The following C12orf42 variants were observed in gnomAD, a reference collection of about 807,000 sequenced individuals.
C12orf42 encodes the protein uncharacterized protein C12orf42.
A neutral mutation model predicts 21.6 loss-of-function variants in C12orf42; 25 were observed. That is an observed-to-expected ratio of 1.16 (90% CI 0.84 to 1.62). The LOEUF (loss-of-function observed/expected upper bound fraction) is 1.62, where lower values mean the gene tolerates loss of function less well. Ranked by LOEUF, C12orf42 falls within the 40% of genes most tolerant of loss-of-function variation. C12orf42 has a pLI of 0.00. For synonymous variants in C12orf42, 174 were observed against 175.0 expected (o/e 0.99, Z 0.05); for missense variants, 483 against 459.3 (o/e 1.05, Z -0.47).
intron 2 of C12orf42, among the ~76,000 whole-genome samples, chr12:103,465,349 C>T (rs909316093): frequency 6.6e-6 from 1 of 152,106 alleles, no homozygotes; most frequent in Non-Finnish European, 1.5e-5. Context: ...GTATTTTATT[C>T]TCTTTGTAGC....
chr12:103,386,708 T>G (rs2046638456), intron 3 of C12orf42, among the ~76,000 whole-genome samples: 3 of 152,198 alleles, frequency 2.0e-5, no homozygotes, highest in Admixed American at 2.0e-4. Flanking sequence ...AGACTGCAAT[T>G]GCACTCCCTT....
At chr12:103,446,746 A>G (rs1951600554) in intron 2 of C12orf42, among the ~76,000 whole-genome samples, 1 of 151,964 alleles carries the variant, frequency 6.6e-6, no homozygotes, top group Non-Finnish European at 1.5e-5. Flanking sequence ...TAAAGCAACA[A>G]CAGTTTAAAA....
At chr12:103,261,072 G>C (rs796945452) in intron 10 of C12orf42, among the ~76,000 whole-genome samples, 2 of 152,060 alleles carry the variant, frequency 1.3e-5, no homozygotes, top group African/African-American at 4.8e-5. Flanking sequence ...CATTTTATTA[G>C]TGTTATTTCA....
At chr12:103,111,006 TG>T in the C12orf42 span, among the ~76,000 whole-genome samples, 3 of 152,198 alleles carry the variant, frequency 2.0e-5, no homozygotes, top group South Asian at 2.1e-4. Context: ...AGGCAGTTCT[TG>T]GTTTTAATCA....
At chr12:103,212,001 A>G in the C12orf42 span, among the ~76,000 whole-genome samples, 153 of 152,306 alleles carry the variant, frequency 1.0e-3, no homozygotes, top group African/African-American at 3.3e-3. Flanking sequence ...ACAAAATTTT[A>G]TCTTAAGTTT....
At chr12:103,141,547 G>A in the C12orf42 span, among the ~76,000 whole-genome samples, 1 of 66,254 alleles carries the variant, frequency 1.5e-5, no homozygotes, top group African/African-American at 7.2e-5. Context: ...TTTTTTTTTT[G>A]AGACAGAGTT....
the C12orf42 span, among the ~76,000 whole-genome samples, chr12:103,207,073 T>C: frequency 4.6e-5 from 7 of 152,180 alleles, no homozygotes; most frequent in Non-Finnish European, 1.0e-4. Flanking sequence ...AAATGCGACA[T>C]GTGCCTCCTG....
the C12orf42 span, among the ~76,000 whole-genome samples, chr12:103,194,227 T>C: frequency 2.5e-4 from 38 of 151,540 alleles, no homozygotes; most frequent in African/African-American, 8.0e-4. Flanking sequence ...TACTCAACAG[T>C]GAAAATTGAA....
At chr12:103,069,721 G>A in the C12orf42 span, among the ~76,000 whole-genome samples, 1 of 152,102 alleles carries the variant, frequency 6.6e-6, no homozygotes, top group African/African-American at 2.4e-5. Context: ...CAACTAGCTA[G>A]GTCTCTTTCT....
At chr12:103,372,751 GCAC>G (rs1201616663) in intron 3 of C12orf42, among the ~76,000 whole-genome samples, 1 of 152,086 alleles carries the variant, frequency 6.6e-6, no homozygotes, top group Non-Finnish European at 1.5e-5. Flanking sequence ...GAAAACTGAG[GCAC>G]CAAAAAGCTA....
the C12orf42 span, among the ~76,000 whole-genome samples, chr12:103,209,283 C>T: frequency 6.6e-6 from 1 of 152,084 alleles, no homozygotes; most frequent in South Asian, 2.1e-4. Context: ...ACAAAGATTC[C>T]CTCAAATGTC....
chr12:103,320,997 A>G (rs1380835904), intron 4 of C12orf42, among the ~76,000 whole-genome samples: 1 of 152,212 alleles, frequency 6.6e-6, no homozygotes, highest in Admixed American at 6.5e-5. Context: ...TGAGTGTTCT[A>G]TAGTTGTTAC....
the C12orf42 span, among the ~76,000 whole-genome samples, chr12:103,221,538 C>A: frequency 1.4e-4 from 21 of 152,176 alleles, no homozygotes; most frequent in Non-Finnish European, 2.4e-4. Context: ...ACTTGCAAGA[C>A]CCTGAAAGAC....
the C12orf42 span, among the ~76,000 whole-genome samples, chr12:103,194,044 A>G: frequency 6.6e-6 from 1 of 152,180 alleles, no homozygotes; most frequent in Non-Finnish European, 1.5e-5. Flanking sequence ...TCAGTATGAT[A>G]GTCCACATTA....
intron 10 of C12orf42, among the ~76,000 whole-genome samples, chr12:103,248,606 A>G (rs2034128689): frequency 6.6e-6 from 1 of 152,054 alleles, no homozygotes; most frequent in African/African-American, 2.4e-5. Flanking sequence ...GCATAGAGAC[A>G]TGACAGATTG....
intron 2 of C12orf42, chr12:103,477,987 C>T (rs2888732): frequency 0.02 from 3,834 of 187,358 alleles, 87 homozygotes; most frequent in South Asian, 0.088. Flanking sequence ...AAAGCCCAGG[C>T]TTGTGCAACT....
At chr12:103,252,765 C>A (rs2034373317) in intron 10 of C12orf42, among the ~76,000 whole-genome samples, 1 of 152,180 alleles carries the variant, frequency 6.6e-6, no homozygotes, top group African/African-American at 2.4e-5. Flanking sequence ...CCTGTTCACT[C>A]TGATGATCGG....
At chr12:103,223,907 A>C in the C12orf42 span, among the ~76,000 whole-genome samples, 1 of 152,206 alleles carries the variant, frequency 6.6e-6, no homozygotes, top group Non-Finnish European at 1.5e-5. Flanking sequence ...CCTTTAGTCC[A>C]TTCTATTTTT....
rs150277686 is a variant in C12orf42 at position 103,397,695 on chromosome 12, C to T, written c.147+3912G>A. The T allele has an allele frequency of 2.6e-5, 4 of 152,106 alleles. No homozygotes were observed. In the South Asian group the frequency reaches 6.2e-4, roughly 24 times the overall value. 9.4% of individuals were successfully genotyped at this position (152,106 alleles called of 1,614,324 possible). On this transcript the variant is annotated intron_variant, in intron 3 of 5. Transcript: ENST00000548883. ...TGAGTACACAGTCTCTAATTTCATA[C>T]CTTGGTGGAAATTGTTGAGTCAAAT...
Sources: gnomAD v4.1 joint callset for allele counts (sites outside exome capture counted in the v4.1 genomes callset) on GRCh38, gnomAD v4.1.1 for gene constraint, MANE v1.5 for transcripts, NCBI Gene and HGNC (gene_info 2026-07-23, HGNC 2026-07-21) for gene names.